The following BBOX1 variants were observed in gnomAD, a reference collection of about 807,000 sequenced individuals.
The protein encoded by BBOX1 is gamma-butyrobetaine hydroxylase 1.
In BBOX1, 35 loss-of-function variants were observed where a neutral mutation model predicts 41.6. The ratio of observed to expected loss-of-function variants is 0.84; its 90% CI spans 0.64 to 1.11. BBOX1 has a LOEUF of 1.11. Ranked by LOEUF, BBOX1 falls within the 50% of genes most tolerant of loss-of-function variation. The pLI is 0.00. For missense variants in BBOX1, 458 were observed against 460.6 expected, an observed-to-expected ratio of 0.99 and a Z score of 0.05; for synonymous variants, 163 against 154.7, an observed-to-expected ratio of 1.05 and a Z score of -0.40.
At chr11:27,060,363 A>T (rs1857102098) in intron 4 of BBOX1, among the ~76,000 whole-genome samples, 1 of 152,098 alleles carries the variant, frequency 6.6e-6, no homozygotes, top group Admixed American at 6.5e-5. Flanking sequence ...CCTCCCCAAA[A>T]GCCAAGCAGA....
Position 27,057,263 on chromosome 11 carries a change from A to G in BBOX1, c.282A>G (p.Arg94=), listed in dbSNP as rs1292687556. Residue 94 remains arginine (R), a synonymous_variant, in exon 4 of 9, where the codon AGA becomes AGG. Coordinates refer to ENST00000263182, the MANE Select transcript of BBOX1 (RefSeq NM_003986.3). ...TCCAGGCTGATTGGCTGAAGAAAAGATGCTTTTCCAAGCAGGCCAGAGCAA... is the reference window on the plus strand; with the variant it reads ...TCCAGGCTGATTGGCTGAAGAAAAGGTGCTTTTCCAAGCAGGCCAGAGCAA... ...SEFQADWLKK[R]CFSKQARAKL... 1 of 1,612,292 alleles carries G rather than the reference A, an allele frequency of 6.2e-7. No individual in the cohort carries two copies. The highest frequency in any genetic ancestry group is 2.2e-5 in the East Asian group (1 of 44,802).
At chr11:27,056,346 C>T (rs1838016) in intron 3 of BBOX1, among the ~76,000 whole-genome samples, 28,336 of 152,050 alleles carry the variant, frequency 0.19, 2,788 homozygotes, top group Middle Eastern at 0.25. Flanking sequence ...CAACTTCCGC[C>T]TCCCGGGTTC....
chr11:27,074,214 CAA>C (rs1857561529), intron 4 of BBOX1, among the ~76,000 whole-genome samples: 1 of 151,966 alleles, frequency 6.6e-6, no homozygotes, highest in African/African-American at 2.4e-5. Context: ...AACTGTGAAT[CAA>C]TTAAACCCGC....
chr11:27,093,779 G>C (rs533327256), intron 5 of BBOX1, among the ~76,000 whole-genome samples: 48 of 152,084 alleles, frequency 3.2e-4, no homozygotes, highest in Middle Eastern at 3.4e-3. Flanking sequence ...CCTTCTCACT[G>C]TGTCCTCGCA....
intron 5 of BBOX1, among the ~76,000 whole-genome samples, chr11:27,105,139 G>A (rs902652755): frequency 1.3e-4 from 20 of 152,154 alleles, no homozygotes; most frequent in Non-Finnish European, 1.0e-4. Flanking sequence ...CAAAGATGAG[G>A]AGAAAACAGA....
chr11:27,093,023 T>C, intron 4 of BBOX1, 145 bp from the exon 5 acceptor site: 2 of 803,078 alleles, frequency 2.5e-6, no homozygotes, highest in South Asian at 3.7e-5. Context: ...CCTAGTGACT[T>C]GGGCATTTCT....
At chr11:27,112,977 T>A (rs1590222161) in intron 5 of BBOX1, among the ~76,000 whole-genome samples, 1 of 151,868 alleles carries the variant, frequency 6.6e-6, no homozygotes, top group South Asian at 2.1e-4. Flanking sequence ...ACAACCCCAT[T>A]AATAAGTGGG....
intron 6 of BBOX1, among the ~76,000 whole-genome samples, chr11:27,117,770 C>T (rs1469904203): frequency 6.6e-6 from 1 of 151,926 alleles, no homozygotes; most frequent in Non-Finnish European, 1.5e-5. Flanking sequence ...ATAGTCATAG[C>T]ACATTATACT....
intron 7 of BBOX1, among the ~76,000 whole-genome samples, chr11:27,121,781 C>T (rs771826538): frequency 2.0e-5 from 3 of 152,118 alleles, no homozygotes; most frequent in South Asian, 2.1e-4. Context: ...CAAATATTAA[C>T]TTAAAAATTC....
intron 7 of BBOX1, among the ~76,000 whole-genome samples, chr11:27,123,424 T>C (rs1247186169): frequency 6.6e-6 from 1 of 151,872 alleles, no homozygotes; most frequent in African/African-American, 2.4e-5. Context: ...GGAGCTATGG[T>C]AATAGTGGAA....
intron 4 of BBOX1, among the ~76,000 whole-genome samples, chr11:27,074,825 A>C (rs1004884327): frequency 1.3e-5 from 2 of 152,234 alleles, no homozygotes; most frequent in African/African-American, 4.8e-5. Flanking sequence ...CTTTGACTCC[A>C]TATCTCCCAT....
chr11:27,072,599 G>A (rs559387516), intron 4 of BBOX1, among the ~76,000 whole-genome samples: 2 of 152,190 alleles, frequency 1.3e-5, no homozygotes, highest in East Asian at 3.9e-4. Flanking sequence ...ACAAAAAAGA[G>A]CCCACATTGC....
chr11:27,127,614 A>T lies in BBOX1; in HGVS notation c.*161A>T. ...TACTCTTTACTTTGTAATCATATAC[A>T]ATGTCAACTTTTTAGATGTTTCACC... is the stretch of plus-strand genomic sequence containing the variant. On this transcript the variant is annotated 3_prime_UTR_variant, in exon 9 of 9. Coordinates refer to ENST00000263182, the MANE Select transcript of BBOX1 (RefSeq NM_003986.3). 1 of 809,820 alleles carries T rather than the reference A, an allele frequency of 1.2e-6. No individual in the cohort carries two copies. Among genetic ancestry groups the T allele is most frequent in the Non-Finnish European group, 1.8e-6 (1 of 545,850 alleles). 50.2% of individuals were successfully genotyped at this position (809,820 alleles called of 1,614,324 possible). A position where few individuals can be genotyped will look rare whatever the true frequency, so the allele number is the denominator to read the frequency against.
chr11:27,105,222 C>T lies in BBOX1; in HGVS notation c.534-10230C>T, dbSNP rs143122500. Among the ~76,000 whole-genome samples, 774 of 152,216 alleles carry T rather than the reference C, an allele frequency of 5.1e-3. 2 individuals are homozygous for T. Among genetic ancestry groups the T allele is most frequent in the Non-Finnish European group, 8.1e-3 (554 of 68,016 alleles). ...AAGGAACACAGCTCCTCACCAGCAACGGAACAAAGCTGGATGGAGAATGAC... is the reference window on the plus strand; with the variant it reads ...AAGGAACACAGCTCCTCACCAGCAATGGAACAAAGCTGGATGGAGAATGAC... On this transcript the variant is annotated intron_variant, in intron 5 of 8. Transcript: ENST00000263182.
chr11:27,078,995 CT>C (rs1466438776), intron 4 of BBOX1, among the ~76,000 whole-genome samples: 15 of 152,102 alleles, frequency 9.9e-5, no homozygotes, highest in Admixed American at 6.6e-5. Context: ...TCTGTCTCCC[CT>C]TTTTCTTCTA....
Position 27,055,579 on chromosome 11 carries a change from C to G in BBOX1, c.149C>G (p.Ala50Gly), listed in dbSNP as rs1856952737. The stretch of plus-strand genomic sequence containing the variant: ...GATTGCTACCTGGATTCTGCAAAAG[C>G]ACGGAAACTTCTAGTGGAAGCTCTT... ...CSDCYLDSAK[A>G]RKLLVEALDV... Residue 50 changes from alanine (A) to glycine (G), a missense_variant, in exon 3 of 9, where the codon GCA becomes GGA. Coordinates refer to ENST00000263182, the MANE Select transcript of BBOX1 (RefSeq NM_003986.3). The G allele has an allele frequency of 3.1e-6, 5 of 1,614,142 alleles. No individual in the cohort carries two copies. The highest frequency in any genetic ancestry group is 4.2e-6 in the Non-Finnish European group (5 of 1,180,010).
At chr11:27,114,946 AT>A (rs1802291984) in intron 5 of BBOX1, among the ~76,000 whole-genome samples, 1 of 151,852 alleles carries the variant, frequency 6.6e-6, no homozygotes, top group South Asian at 2.1e-4. Flanking sequence ...CAAATTAGTG[AT>A]TGCCAAGGTC....
intron 5 of BBOX1, among the ~76,000 whole-genome samples, chr11:27,113,637 A>T (rs976270082): frequency 6.6e-6 from 1 of 151,838 alleles, no homozygotes; most frequent in African/African-American, 2.4e-5. Flanking sequence ...GGAACACTAG[A>T]CACCTGGGCC....
At chr11:27,109,613 T>A (rs1014694855) in intron 5 of BBOX1, among the ~76,000 whole-genome samples, 18 of 152,048 alleles carry the variant, frequency 1.2e-4, no homozygotes, top group Non-Finnish European at 8.8e-5. Flanking sequence ...AAAATTAACA[T>A]GATTAGAATA....
Sources: allele counts gnomAD v4.1 joint callset (sites outside exome capture counted in the v4.1 genomes callset), GRCh38; gene constraint gnomAD v4.1.1; transcripts MANE v1.5; gene names NCBI Gene and HGNC (gene_info 2026-07-23, HGNC 2026-07-21).